The following CNTNAP2 variants were observed in gnomAD, a reference collection of about 807,000 sequenced individuals.
The protein encoded by CNTNAP2 is contactin-associated protein-like 2.
Under a neutral mutation model 155.2 loss-of-function variants are expected in CNTNAP2, and 98 were observed. That is an observed-to-expected ratio of 0.63 (90% CI 0.54 to 0.75). CNTNAP2 has a LOEUF of 0.75. CNTNAP2 is among the 30% of genes least tolerant of loss of function. The pLI is 0.00. For synonymous variants in CNTNAP2, 651 were observed against 631.2 expected, an observed-to-expected ratio of 1.03 and a Z score of -0.47; for missense variants, 1,727 against 1,688.1, an observed-to-expected ratio of 1.02 and a Z score of -0.40.
At chr7:146,259,614 G>A (rs910178590) in intron 1 of CNTNAP2, among the ~76,000 whole-genome samples, 1 of 152,174 alleles carries the variant, frequency 6.6e-6, no homozygotes, top group Non-Finnish European at 1.5e-5. Context: ...TAGGAGAGAT[G>A]ATTTAGGGTA....
At chr7:148,029,096 G>A (rs1468985683) in intron 15 of CNTNAP2, among the ~76,000 whole-genome samples, 1 of 73,200 alleles carries the variant, frequency 1.4e-5, no homozygotes, top group African/African-American at 7.6e-5. Flanking sequence ...ATATCCTTTT[G>A]GGCAACACAC....
intron 1 of CNTNAP2, among the ~76,000 whole-genome samples, chr7:146,538,288 A>T (rs1797900452): frequency 6.6e-6 from 1 of 152,128 alleles, no homozygotes. Context: ...AAATGTCAGT[A>T]ATTTACAACA....
At chr7:146,441,195 T>G (rs1796316128) in intron 1 of CNTNAP2, among the ~76,000 whole-genome samples, 1 of 151,618 alleles carries the variant, frequency 6.6e-6, no homozygotes, top group South Asian at 2.1e-4. Context: ...ACATATGTAA[T>G]GAGTGTGACT....
At chr7:147,337,546 T>C (rs1563165838) in intron 9 of CNTNAP2, among the ~76,000 whole-genome samples, 1 of 151,282 alleles carries the variant, frequency 6.6e-6, no homozygotes, top group East Asian at 1.9e-4. Context: ...GGGTATGCAA[T>C]ATAAAAAAAA....
chr7:147,538,784 T>A (rs1799591999), intron 11 of CNTNAP2, among the ~76,000 whole-genome samples: 1 of 152,210 alleles, frequency 6.6e-6, no homozygotes, highest in South Asian at 2.1e-4. Flanking sequence ...GCCAGTTTTT[T>A]TTCCTGAGTA....
intron 13 of CNTNAP2, among the ~76,000 whole-genome samples, chr7:147,733,777 A>C (rs907719490): frequency 1.3e-5 from 2 of 152,152 alleles, no homozygotes; most frequent in Admixed American, 1.3e-4. Context: ...TTCTCTTTGA[A>C]GCAATTGTGA....
At chr7:146,170,563 T>A (rs1798375457) in intron 1 of CNTNAP2, among the ~76,000 whole-genome samples, 1 of 152,172 alleles carries the variant, frequency 6.6e-6, no homozygotes, top group Admixed American at 6.5e-5. Flanking sequence ...TATTTTTAAA[T>A]ATGGTTTTTG....
At chr7:148,298,262 A>G (rs559735359) in intron 21 of CNTNAP2, among the ~76,000 whole-genome samples, 4 of 152,290 alleles carry the variant, frequency 2.6e-5, no homozygotes, top group Admixed American at 2.0e-4. Flanking sequence ...ACTCATCATC[A>G]TCCGTATTGG....
chr7:147,419,230 T>TG (rs1351813894), intron 10 of CNTNAP2, among the ~76,000 whole-genome samples: 2 of 152,118 alleles, frequency 1.3e-5, no homozygotes, highest in Admixed American at 6.5e-5. Flanking sequence ...CTCTATGCCC[T>TG]GCCTGCCCTG....
At chr7:146,536,654 T>A (rs1243352807) in intron 1 of CNTNAP2, among the ~76,000 whole-genome samples, 1 of 147,308 alleles carries the variant, frequency 6.8e-6, no homozygotes, top group East Asian at 2.0e-4. Context: ...AACTAATGCA[T>A]CTAGAGCAGA....
At chr7:146,941,951 G>C (rs548785102) in intron 3 of CNTNAP2, among the ~76,000 whole-genome samples, 1 of 151,878 alleles carries the variant, frequency 6.6e-6, no homozygotes, top group South Asian at 2.1e-4. Context: ...TTGATAGTTT[G>C]ATTTTAATAT....
intron 13 of CNTNAP2, among the ~76,000 whole-genome samples, chr7:147,852,749 T>C (rs1490933710): frequency 6.6e-6 from 1 of 152,242 alleles, no homozygotes; most frequent in Non-Finnish European, 1.5e-5. Flanking sequence ...GAGATCTTCC[T>C]GGTCCTTGAC....
chr7:147,295,550 A>G (rs1805422364), intron 8 of CNTNAP2, among the ~76,000 whole-genome samples: 1 of 152,192 alleles, frequency 6.6e-6, no homozygotes, highest in Non-Finnish European at 1.5e-5. Context: ...CAAGCAAAGT[A>G]TCACCATGGC....
chr7:147,000,735 T>C (rs760023885), intron 3 of CNTNAP2, among the ~76,000 whole-genome samples: 5 of 152,076 alleles, frequency 3.3e-5, no homozygotes, highest in African/African-American at 1.2e-4. Context: ...ATTAGTGCGG[T>C]GCTAGGGTGT....
intron 13 of CNTNAP2, among the ~76,000 whole-genome samples, chr7:147,887,933 GA>G (rs1183678422): frequency 6.6e-6 from 1 of 152,186 alleles, no homozygotes; most frequent in Non-Finnish European, 1.5e-5. Flanking sequence ...AATGGTTGGA[GA>G]AAACTCAAGC....
At chr7:146,865,767 G>T (rs2129206195) in intron 3 of CNTNAP2, among the ~76,000 whole-genome samples, 1 of 152,150 alleles carries the variant, frequency 6.6e-6, no homozygotes, top group Non-Finnish European at 1.5e-5. Flanking sequence ...AATGATAAAA[G>T]CATAACACAG....
At chr7:147,406,629 C>A (rs1797009701) in intron 10 of CNTNAP2, among the ~76,000 whole-genome samples, 1 of 152,040 alleles carries the variant, frequency 6.6e-6, no homozygotes, top group South Asian at 2.1e-4. Context: ...GTTGTCTTTG[C>A]CTATGAATTC....
chr7:148,359,804 A>G (rs1052654582), intron 21 of CNTNAP2, among the ~76,000 whole-genome samples: 29 of 152,324 alleles, frequency 1.9e-4, no homozygotes, highest in African/African-American at 5.3e-4. Flanking sequence ...CTGCCCTGGG[A>G]TACATAGGAA....
At chr7:146,202,980 T>G (rs1167923454) in intron 1 of CNTNAP2, among the ~76,000 whole-genome samples, 1 of 151,990 alleles carries the variant, frequency 6.6e-6, no homozygotes, top group Non-Finnish European at 1.5e-5. Context: ...CTGATACACT[T>G]TAGAGCTACA....
Sources: allele counts gnomAD v4.1 joint callset (sites outside exome capture counted in the v4.1 genomes callset), GRCh38; gene constraint gnomAD v4.1.1; transcripts MANE v1.5; gene names NCBI Gene and HGNC (gene_info 2026-07-23, HGNC 2026-07-21).